Variants in ATOH8 observed in about 807,000 individuals in gnomAD.
The protein encoded by ATOH8 is atonal bHLH transcription factor 8.
Under a neutral mutation model 21.2 loss-of-function variants are expected in ATOH8, and 9 were observed. The observed-to-expected ratio is 0.42, with a 90% CI of 0.26 to 0.74. ATOH8 has a LOEUF of 0.74. Ranked by LOEUF, ATOH8 falls within the 30% of genes least tolerant of loss-of-function variation. The probability of loss-of-function intolerance (pLI) is 0.24; values close to 1 mark genes in which losing one functional copy is unlikely to be tolerated. For synonymous variants in ATOH8, 253 were observed against 224.0 expected, an observed-to-expected ratio of 1.13 and a Z score of -1.16; for missense variants, 524 against 470.9, an observed-to-expected ratio of 1.11 and a Z score of -1.04.
rs75293225 is a variant in ATOH8 at position 85,754,674 on chromosome 2, G to C, written c.485G>C (p.Arg162Pro). ...PRILLCAPPARPAPSAPPAPP... is the reference protein window; with the variant it reads ...PRILLCAPPAPPAPSAPPAPP... ...ATCTTGCTGTGCGCACCGCCCGCGC[G>C]CCCCGCGCCGTCAGCACCCCCAGCA... The change falls in exon 1 of 3, where the codon CGC becomes CCC. Residue 162 changes from arginine (R) to proline (P), a missense_variant. Arg to Pro is a moderately radical substitution (Grantham distance 103). Transcript: ENST00000306279. The C allele has an allele frequency of 1.3e-6, 2 of 1,560,990 alleles. No individual in the cohort carries two copies. Among genetic ancestry groups the C allele is most frequent in the South Asian group, 2.3e-5 (2 of 85,736 alleles).
chr2:85,771,267 G>A (rs1680174021), intron 2 of ATOH8, among the ~76,000 whole-genome samples: 1 of 152,182 alleles, frequency 6.6e-6, no homozygotes, highest in African/African-American at 2.4e-5. Flanking sequence ...CTCTCGCTCT[G>A]TGGCCTTGGG....
chr2:85,758,699 G>T (rs1003765852), intron 1 of ATOH8, among the ~76,000 whole-genome samples: 4 of 152,202 alleles, frequency 2.6e-5, no homozygotes, highest in African/African-American at 9.7e-5. Flanking sequence ...CCTCTGGTCT[G>T]GTCTGGTCTG....
chr2:85,773,941 C>A, intron 2 of ATOH8: 2 of 272,784 alleles, frequency 7.3e-6, no homozygotes, highest in South Asian at 1.4e-4. Flanking sequence ...CCTCTGGGGG[C>A]AGGTATCTGG....
Position 85,765,112 on chromosome 2 carries a change from G to A in ATOH8, c.960+930G>A, listed in dbSNP as rs933177594. ...TGAGCAAGGCTTAGTGCAGCCCTCC[G>A]GATCTCTGTTACCACGTGGCTTCAG... On this transcript the variant is annotated intron_variant, in intron 2 of 2. Coordinates refer to ENST00000306279, the MANE Select transcript of ATOH8 (RefSeq NM_032827.7). 3.3e-5 allele frequency among the ~76,000 whole-genome samples: 5 copies of A among 152,304 alleles called. No homozygotes were observed. In the East Asian group the frequency reaches 5.8e-4, roughly 18 times the overall value.
chr2:85,786,575 T>A (rs1226157622), intron 2 of ATOH8, among the ~76,000 whole-genome samples: 4 of 152,040 alleles, frequency 2.6e-5, no homozygotes, highest in African/African-American at 9.7e-5. Flanking sequence ...CCCTGGGGAT[T>A]GTGGTGTCAG....
At chr2:85,756,247 C>T (rs1241147034) in intron 1 of ATOH8, among the ~76,000 whole-genome samples, 1 of 152,126 alleles carries the variant, frequency 6.6e-6, no homozygotes, top group Non-Finnish European at 1.5e-5. Context: ...CTCATCCACA[C>T]CAGCTGGAAC....
chr2:85,756,471 C>T (rs766209805), intron 1 of ATOH8, among the ~76,000 whole-genome samples: 2 of 152,190 alleles, frequency 1.3e-5, no homozygotes, highest in Non-Finnish European at 2.9e-5. Context: ...CCCAGAGCCT[C>T]ATAGCTGTTG....
rs977923115 is a variant in ATOH8, at chr2:85,754,562, C to T, written c.373C>T (p.Pro125Ser). 12 of 1,438,302 alleles carry T rather than the reference C, an allele frequency of 8.3e-6. No homozygotes were observed. The highest frequency in any genetic ancestry group is 1.1e-5 in the Non-Finnish European group (12 of 1,107,892). 89.1% of individuals were successfully genotyped at this position (1,438,302 alleles called of 1,614,324 possible). The change falls in exon 1 of 3, where the codon CCG becomes TCG. Residue 125 changes from proline (P) to serine (S), a missense_variant. Transcript: ENST00000306279. ...GAVGPGLPTP[P>S]PPPPPAPQSQ... ...AGTGGGGCCAGGACTCCCCACGCCG[C>T]CGCCGCCGCCGCCTCCTGCGCCCCA...
At chr2:85,771,903 G>T (rs1680192402) in intron 2 of ATOH8, among the ~76,000 whole-genome samples, 2 of 152,250 alleles carry the variant, frequency 1.3e-5, no homozygotes, top group Admixed American at 6.5e-5. Flanking sequence ...CTTGCCTGGG[G>T]CCACATGGCC....
chr2:85,783,150 C>A (rs758846096), intron 2 of ATOH8, among the ~76,000 whole-genome samples: 5 of 152,218 alleles, frequency 3.3e-5, no homozygotes, highest in Non-Finnish European at 5.9e-5. Flanking sequence ...TAAATGCTCC[C>A]ACTTTGCCAC....
chr2:85,775,617 C>A (rs1291718778), intron 2 of ATOH8, among the ~76,000 whole-genome samples: 1 of 152,170 alleles, frequency 6.6e-6, no homozygotes, highest in Admixed American at 6.5e-5. Flanking sequence ...GCCACAGCAC[C>A]GAGCTTTTCA....
At chr2:85,778,813 G>T (rs1680405738) in intron 2 of ATOH8, among the ~76,000 whole-genome samples, 1 of 152,250 alleles carries the variant, frequency 6.6e-6, no homozygotes, top group Non-Finnish European at 1.5e-5. Context: ...CGTGGTCGGG[G>T]CATGTGAACT....
chr2:85,755,089 G>C, intron 1 of ATOH8, 132 bp downstream of exon 1: 3 of 1,236,762 alleles, frequency 2.4e-6, no homozygotes, highest in Non-Finnish European at 3.3e-6. Context: ...CTGGTGCCCA[G>C]ACAGGTGTGG....
At chr2:85,783,437 G>A (rs563372040) in intron 2 of ATOH8, among the ~76,000 whole-genome samples, 5 of 152,178 alleles carry the variant, frequency 3.3e-5, no homozygotes, top group East Asian at 1.9e-4. Flanking sequence ...GTGTGGTGGC[G>A]CACGCCTGTA....
In ATOH8 at chr2:85,777,996, G is replaced by A. The variant is rs924683892; in HGVS notation, c.961-8889G>A. ...TTGCTGATGGGTAAATGGGGTGGCT[G>A]GGGACCCTTCCTACCCCACCCCGAT... On this transcript the variant is annotated intron_variant, in intron 2 of 2. Coordinates refer to ENST00000306279, the MANE Select transcript of ATOH8 (RefSeq NM_032827.7). Among the ~76,000 whole-genome samples the A allele has an allele frequency of 1.7e-4, 26 of 152,216 alleles. 1 individual carries two copies. Among genetic ancestry groups the A allele is most frequent in the Non-Finnish European group, 1.2e-4 (8 of 68,038 alleles).
chr2:85,776,595 C>T (rs1680328064), intron 2 of ATOH8, among the ~76,000 whole-genome samples: 1 of 152,190 alleles, frequency 6.6e-6, no homozygotes, highest in Admixed American at 6.5e-5. Flanking sequence ...CCGTAGGCAC[C>T]GTCTGCTGGG....
In ATOH8 at chr2:85,754,072, A is replaced by C; in HGVS notation, c.-118A>C. 8.4e-7 allele frequency: 1 copy of C among 1,193,098 alleles called. No individual in the cohort carries two copies. Among genetic ancestry groups the C allele is most frequent in the Non-Finnish European group, 1.1e-6 (1 of 921,536 alleles). 73.9% of individuals were successfully genotyped at this position (1,193,098 alleles called of 1,614,324 possible). A position where few individuals can be genotyped will look rare whatever the true frequency, so the allele number is the denominator to read the frequency against. On this transcript the variant is annotated 5_prime_UTR_variant, in exon 1 of 3. Coordinates refer to ENST00000306279, the MANE Select transcript of ATOH8 (RefSeq NM_032827.7). Reference sequence around the variant, plus strand: ...GGCGCAGCTGCCCGGGGCGAGGGGGAGAAAGGGAGAGAGGGAGGGGGAGGG... The same window carrying C: ...GGCGCAGCTGCCCGGGGCGAGGGGGCGAAAGGGAGAGAGGGAGGGGGAGGG...
intron 1 of ATOH8, among the ~76,000 whole-genome samples, chr2:85,760,400 G>C (rs1172971369): frequency 6.6e-6 from 1 of 152,090 alleles, no homozygotes; most frequent in Non-Finnish European, 1.5e-5. Flanking sequence ...GATACTCTAA[G>C]AGGGATCTCA....
rs918861105 is a variant in ATOH8 at position 85,764,281 on chromosome 2, G to A, written c.960+99G>A. ...TGCCTATGCCCAGAATTCTGAAGGG[G>A]CCAGAGAGATCAGCTCTTGGAGGTT... is the stretch of plus-strand genomic sequence containing the variant. On this transcript the variant is annotated intron_variant, in intron 2 of 2. Coordinates refer to ENST00000306279, the MANE Select transcript of ATOH8 (RefSeq NM_032827.7). The A allele has an allele frequency of 1.6e-5, 23 of 1,460,776 alleles. No individual in the cohort carries two copies. The Admixed American group carries it at 3.1e-4, about 20-fold the overall frequency. 90.5% of individuals were successfully genotyped at this position (1,460,776 alleles called of 1,614,324 possible).
Sources: gnomAD v4.1 joint callset for allele counts (sites outside exome capture counted in the v4.1 genomes callset) on GRCh38, gnomAD v4.1.1 for gene constraint, MANE v1.5 for transcripts, NCBI Gene and HGNC (gene_info 2026-07-23, HGNC 2026-07-21) for gene names.